PLD5: variants seen among roughly 807,000 people sequenced by gnomAD.
PLD5 encodes phospholipase D family member 5.
Under a neutral mutation model 61.1 loss-of-function variants are expected in PLD5, and 36 were observed. That is an observed-to-expected ratio of 0.59 (90% CI 0.45 to 0.78). PLD5 has a LOEUF of 0.78. Among genes scored for constraint, PLD5 ranks in the 30% least tolerant of loss-of-function variants. The probability of loss-of-function intolerance (pLI) is 0.00; values close to 1 mark genes in which losing one functional copy is unlikely to be tolerated. For synonymous variants in PLD5, 243 were observed against 242.8 expected (o/e 1.00, Z -0.01); for missense variants, 515 against 644.4 (o/e 0.80, Z 2.17).
At position 242,113,933 on chromosome 1, in the gene PLD5, C is replaced by A. The variant is rs771246339; in HGVS notation, c.1027G>T (p.Ala343Ser). The change falls in exon 7 of 10, where the codon GCT (alanine) becomes TCT (serine). Residue 343 changes from alanine (A) to serine (S), a missense_variant. Ala to Ser is a moderately conservative substitution (Grantham distance 99). Around this residue, in one of 2 missense-constraint regions of PLD5, gnomAD observed 450 missense variants for 598.1 expected, o/e 0.75. Transcript: ENST00000536534. ...IDDAKQYVYI[A>S]VMDYLPISST... Reference sequence around the variant, plus strand: ...GAGATAGGCAGGTAGTCCATGACAGCGATGTACACATACTGCTTGGCATCA... The same window carrying A: ...GAGATAGGCAGGTAGTCCATGACAGAGATGTACACATACTGCTTGGCATCA... 14 of 1,613,536 alleles carry A rather than the reference C, an allele frequency of 8.7e-6. No homozygotes were observed. The Admixed American group carries it at 2.3e-4, about 27-fold the overall frequency.
chr1:242,113,789 C>T, intron 7 of PLD5, 101 bp downstream of exon 7: 1 of 1,400,568 alleles, frequency 7.1e-7, no homozygotes, highest in South Asian at 1.5e-5. Context: ...CTAAGGCAAC[C>T]TGATGGCATC....
intron 1 of PLD5, among the ~76,000 whole-genome samples, chr1:242,474,306 C>T (rs1035341033): frequency 2.0e-5 from 3 of 152,194 alleles, no homozygotes; most frequent in Admixed American, 6.5e-5. Flanking sequence ...AATTCATCAT[C>T]ACCCCTAAAG....
intron 5 of PLD5, among the ~76,000 whole-genome samples, chr1:242,207,551 T>C (rs1669399590): frequency 6.6e-6 from 1 of 151,912 alleles, no homozygotes; most frequent in African/African-American, 2.4e-5. Context: ...CATGCTTCTT[T>C]CTGACTCTGT....
At chr1:242,144,523 G>A (rs1664412912) in intron 5 of PLD5, among the ~76,000 whole-genome samples, 1 of 152,200 alleles carries the variant, frequency 6.6e-6, no homozygotes, top group Non-Finnish European at 1.5e-5. Flanking sequence ...GCTCATGCCT[G>A]TAATCCCAGC....
At chr1:242,150,023 T>C (rs990201034) in intron 5 of PLD5, among the ~76,000 whole-genome samples, 3 of 151,832 alleles carry the variant, frequency 2.0e-5, no homozygotes, top group African/African-American at 7.2e-5. Flanking sequence ...AAATTTTTGA[T>C]ATGCTCTATT....
At chr1:242,224,898 C>G (rs183823865) in intron 4 of PLD5, among the ~76,000 whole-genome samples, 2 of 152,256 alleles carry the variant, frequency 1.3e-5, no homozygotes, top group Admixed American at 6.5e-5. Context: ...GAAAGAGAGT[C>G]GTGTGACCAT....
intron 1 of PLD5, among the ~76,000 whole-genome samples, chr1:242,380,647 C>G (rs1662223946): frequency 6.6e-6 from 1 of 151,896 alleles, no homozygotes; most frequent in Non-Finnish European, 1.5e-5. Flanking sequence ...TGTAATCTAT[C>G]CATTTGACAA....
chr1:242,507,122 G>C (rs944383958), intron 1 of PLD5, among the ~76,000 whole-genome samples: 2 of 152,116 alleles, frequency 1.3e-5, no homozygotes, highest in Non-Finnish European at 2.9e-5. Flanking sequence ...GTAATCTTTA[G>C]CAAAACTAAT....
chr1:242,446,311 T>C (rs1666535919), intron 1 of PLD5, among the ~76,000 whole-genome samples: 2 of 152,208 alleles, frequency 1.3e-5, no homozygotes, highest in South Asian at 2.1e-4. Flanking sequence ...GACTCATGCC[T>C]GTAATCCCAG....
intron 5 of PLD5, among the ~76,000 whole-genome samples, chr1:242,131,350 TTC>T (rs1292278448): frequency 6.6e-6 from 1 of 152,074 alleles, no homozygotes; most frequent in African/African-American, 2.4e-5. Context: ...AGTGGTTCCG[TTC>T]TCTCTCTTGC....
intron 1 of PLD5, among the ~76,000 whole-genome samples, chr1:242,398,822 C>T (rs1663754222): frequency 6.6e-6 from 1 of 152,164 alleles, no homozygotes; most frequent in Non-Finnish European, 1.5e-5. Flanking sequence ...GAGAGATCTC[C>T]AAATTTTTGT....
At chr1:242,130,114 C>A (rs952903751) in intron 5 of PLD5, among the ~76,000 whole-genome samples, 8 of 150,096 alleles carry the variant, frequency 5.3e-5, no homozygotes, top group African/African-American at 2.0e-4. Flanking sequence ...TGCAATGGAG[C>A]GATCTTGGCT....
At chr1:242,373,599 A>G (rs1218724578) in intron 1 of PLD5, among the ~76,000 whole-genome samples, 2 of 152,178 alleles carry the variant, frequency 1.3e-5, no homozygotes, top group African/African-American at 2.4e-5. Flanking sequence ...GCACATATAC[A>G]CCATGGAATA....
In PLD5 at chr1:242,470,208, T is replaced by TG. The variant is rs1405587650; in HGVS notation, c.189+53879dup. On this transcript the variant is annotated intron_variant, in intron 1 of 9. Transcript: ENST00000536534. ...TACAAAAAAAATTAGCCGGGCGTGG[T>TG]GCGGGCGCCTGTACTCCCAGCTACT... 8.2e-4 allele frequency among the ~76,000 whole-genome samples: 125 copies of TG among 151,754 alleles called. 1 individual carries two copies. Among genetic ancestry groups the TG allele is most frequent in the South Asian group, 6.5e-3 (31 of 4,806 alleles).
In PLD5 at chr1:242,127,672, G is replaced by C. The variant is rs543989941; in HGVS notation, c.736-3007C>G. The stretch of plus-strand genomic sequence containing the variant: ...CTTGGGAGACATGGGGGAAGGGAAG[G>C]GGGTGAGGGATAAAAGGCTACAAAT... On this transcript the variant is annotated intron_variant, in intron 5 of 9. Transcript: ENST00000536534. Among the ~76,000 whole-genome samples, 4 of 152,128 alleles carry C rather than the reference G, an allele frequency of 2.6e-5. 1 individual carries two copies. In the South Asian group the frequency reaches 6.2e-4, roughly 24 times the overall value.
intron 1 of PLD5, among the ~76,000 whole-genome samples, chr1:242,455,391 AG>A (rs1666913962): frequency 6.6e-6 from 1 of 152,210 alleles, no homozygotes; most frequent in Non-Finnish European, 1.5e-5. Context: ...TTTGACATAA[AG>A]GACCGTCCCA....
intron 1 of PLD5, among the ~76,000 whole-genome samples, chr1:242,469,478 C>G (rs1034447442): frequency 3.3e-5 from 5 of 152,106 alleles, no homozygotes; most frequent in Non-Finnish European, 5.9e-5. Context: ...ACATTTTGGT[C>G]CATTATTCTA....
Position 242,256,888 on chromosome 1 carries a change from CTTCT to C in PLD5, c.607+8445_607+8448del, listed in dbSNP as rs1477399119. Among the ~76,000 whole-genome samples, 7 of 136,204 alleles carry C rather than the reference CTTCT, an allele frequency of 5.1e-5. No homozygotes were observed. Among genetic ancestry groups the C allele is most frequent in the Admixed American group, 7.6e-5 (1 of 13,112 alleles). The allele number at this position is 136,204 out of a possible 152,430, so 89.4% of individuals were successfully genotyped here. On this transcript the variant is annotated intron_variant, in intron 4 of 9. Transcript: ENST00000536534. This position sits in a 1 kb window ranked among gnomAD's most constrained non-coding sequence, Gnocchi z 5.7. ...CCTATCTTCTTTCTTTTCTCTCCCTCTTCTTTCTCTTTCTTTTTTCATCTATCTA... is the reference window on the plus strand; with the variant it reads ...CCTATCTTCTTTCTTTTCTCTCCCTCTTCTCTTTCTTTTTTCATCTATCTA...
intron 1 of PLD5, among the ~76,000 whole-genome samples, chr1:242,443,057 T>C (rs556209648): frequency 4.6e-5 from 7 of 152,324 alleles, no homozygotes; most frequent in African/African-American, 1.4e-4. Context: ...ATACATTCTA[T>C]GAACTTATTA....
Sources: allele counts gnomAD v4.1 joint callset (sites outside exome capture counted in the v4.1 genomes callset), GRCh38; gene constraint gnomAD v4.1.1; regional missense constraint gnomAD v4.1.1; non-coding constraint Gnocchi (gnomAD v3.1); transcripts MANE v1.5; gene names NCBI Gene and HGNC (gene_info 2026-07-23, HGNC 2026-07-21).